Variants in TMEM223 observed in about 807,000 individuals in gnomAD.
TMEM223 encodes the protein transmembrane protein 223.
TMEM223 carries 14 observed loss-of-function variants against 14.1 expected under a neutral mutation model. The ratio of observed to expected loss-of-function variants is 0.99; its 90% CI spans 0.66 to 1.55. The LOEUF (loss-of-function observed/expected upper bound fraction) is 1.55, where lower values mean the gene tolerates loss of function less well. Among genes scored for constraint, TMEM223 ranks in the 40% most tolerant of loss-of-function variants. The pLI is 0.00. For missense variants in TMEM223, 346 were observed against 269.9 expected (o/e 1.28, Z -1.97); for synonymous variants, 145 against 120.5 (o/e 1.20, Z -1.33).
chr11:62,786,585 C>G (rs151093417), downstream of TMEM223: 6 of 1,574,414 alleles, frequency 3.8e-6, no homozygotes, highest in African/African-American at 4.1e-5. Flanking sequence ...GCCCAGGTGG[C>G]AGGGGGTGCC....
chr11:62,789,553 G>C, downstream of TMEM223: 1 of 1,556,844 alleles, frequency 6.4e-7, no homozygotes, highest in South Asian at 1.2e-5. Context: ...GGTGTGCCTC[G>C]GATATAAACT....
chr11:62,790,152 T>G lies in TMEM223; in HGVS notation c.*471A>C. ...GTTGGGAGTCTTAGTTTTCCTTTCG[T>G]TGGGGGGTGGGGGGGAAACATAATG... On this transcript the variant is annotated 3_prime_UTR_variant, in exon 2 of 2. Transcript: ENST00000307366. 4 of 1,253,728 alleles carry G rather than the reference T, an allele frequency of 3.2e-6. No homozygotes were observed. Among genetic ancestry groups the G allele is most frequent in the Middle Eastern group, 2.9e-4 (1 of 3,484 alleles). The allele number at this position is 1,253,728 out of a possible 1,614,324, so 77.7% of individuals were successfully genotyped here. A position where few individuals can be genotyped will look rare whatever the true frequency, so the allele number is the denominator to read the frequency against.
chr11:62,780,551 TAG>T (rs1295586485), intron 1 of TMEM223, among the ~76,000 whole-genome samples: 2 of 151,634 alleles, frequency 1.3e-5, no homozygotes, highest in African/African-American at 4.8e-5. Flanking sequence ...GCCTGGCTGA[TAG>T]AACGAAACTC....
At chr11:62,778,042 A>C (rs779449092) in intron 1 of TMEM223, 4 of 1,614,064 alleles carry the variant, frequency 2.5e-6, no homozygotes, top group Non-Finnish European at 3.4e-6. Context: ...GGTGAACTCT[A>C]CTTTCCTGAG....
At chr11:62,774,585 G>A (rs546703572) in intron 2 of TMEM223, 4 of 454,734 alleles carry the variant, frequency 8.8e-6, no homozygotes, top group East Asian at 7.0e-5. Context: ...TTTGGCGCAC[G>A]GGAGCCTACC....
downstream of TMEM223, chr11:62,789,795 TA>T: frequency 6.5e-7 from 1 of 1,539,314 alleles, no homozygotes; most frequent in Non-Finnish European, 8.8e-7. Context: ...GTTGTCAGCT[TA>T]AAATTCAGCA....
intron 1 of TMEM223, among the ~76,000 whole-genome samples, chr11:62,779,778 ACCT>A (rs1439790995): frequency 2.0e-5 from 3 of 150,172 alleles, no homozygotes; most frequent in African/African-American, 7.3e-5. Context: ...CAATTCTCCC[ACCT>A]CAGCTTCCCA....
rs867662067 is a variant in TMEM223, at chr11:62,791,839, G to A, written c.156C>T (p.Cys52=). The A allele has an allele frequency of 3.1e-6, 5 of 1,590,686 alleles. No individual in the cohort carries two copies. In the South Asian group the frequency reaches 4.6e-5, roughly 15 times the overall value. The stretch of plus-strand genomic sequence containing the variant: ...AAGCCCAGAAGACGCCCTGGCCCGC[G>A]CAGAACAGCCCGAGGATGGTGAAGA... ...GRFFTILGLF[C]AGQGVFWASM... The change falls in exon 1 of 2, where the codon TGC becomes TGT. Residue 52 remains cysteine, a synonymous_variant. Transcript: ENST00000307366.
chr11:62,771,169 A>T (rs1335108724), downstream of TMEM223: 1 of 152,240 alleles, frequency 6.6e-6, no homozygotes. Context: ...GGTAAAAAAA[A>T]TAAAATATGC....
downstream of TMEM223, chr11:62,786,481 G>T: frequency 6.3e-7 from 1 of 1,578,756 alleles, no homozygotes; most frequent in South Asian, 1.1e-5. Context: ...CAGGTTCCTC[G>T]AATTTTTTGC....
rs201070100 is a variant in TMEM223 at position 62,790,102 on chromosome 11, TC to T, written c.*520del. ...AGACTCCATGCCCAAGTGCCTGTAA[TC>T]CCCCCCCTCAAGGCCCTGTTTATGT... On this transcript the variant is annotated 3_prime_UTR_variant, in exon 2 of 2. Transcript: ENST00000307366. 9.5e-3 allele frequency: 12,343 copies of T among 1,306,118 alleles called. 86 individuals are homozygous for T. The highest frequency in any genetic ancestry group is 0.034 in the African/African-American group (2,064 of 61,508). The allele number at this position is 1,306,118 out of a possible 1,614,324, so 80.9% of individuals were successfully genotyped here.
chr11:62,773,998 T>C (rs1451665976), intron 2 of TMEM223, among the ~76,000 whole-genome samples: 2 of 151,794 alleles, frequency 1.3e-5, no homozygotes, highest in Non-Finnish European at 2.9e-5. Flanking sequence ...CACAAGAAAG[T>C]AGGAGATAAG....
Position 62,790,593 on chromosome 11 carries a change from T to TG in TMEM223, c.*29dup. The TG allele has an allele frequency of 3.8e-6, 6 of 1,581,838 alleles. No individual in the cohort carries two copies. Among genetic ancestry groups the TG allele is most frequent in the Non-Finnish European group, 5.2e-6 (6 of 1,160,054 alleles). On this transcript the variant is annotated 3_prime_UTR_variant, in exon 2 of 2. Coordinates refer to ENST00000307366, the MANE Select transcript of TMEM223 (RefSeq NM_001080501.3). ...CAAGGTTCAGTTTTTATCCTCCTCT[T>TG]GGAGAGGTGAGTGACTTGAGGTCAT...
downstream of TMEM223, chr11:62,789,353 G>C (rs1215611637): frequency 6.2e-7 from 1 of 1,613,856 alleles, no homozygotes; most frequent in South Asian, 1.1e-5. Context: ...CCTGGTCTTG[G>C]TGTCTGCCTG....
chr11:62,790,926 G>A lies in TMEM223; in HGVS notation c.317-11C>T. 6.4e-7 allele frequency: 1 copy of A among 1,551,146 alleles called. No individual in the cohort carries two copies. The highest frequency in any genetic ancestry group is 1.4e-5 in the African/African-American group (1 of 73,460). ...CGAGTACGAGGGCTCCTGCAGGCAG[G>A]GCAGAGATTGGGGTGAGGGGTTTTC... On this transcript the variant is annotated splice_polypyrimidine_tract_variant and intron_variant, in intron 1 of 1. Transcript: ENST00000307366.
downstream of TMEM223, chr11:62,787,364 T>G (rs979433923): frequency 1.3e-6 from 2 of 1,537,752 alleles, no homozygotes; most frequent in South Asian, 2.4e-5. Context: ...CCTTCGTGGG[T>G]CGCGCCGGAT....
At chr11:62,787,097 C>T, downstream of TMEM223, 1 of 1,542,872 alleles carries the variant, frequency 6.5e-7, no homozygotes, top group South Asian at 1.2e-5. Flanking sequence ...CCGCGCGGCG[C>T]CCCGCACTTT....
At chr11:62,774,604 C>A in exon 2 of TMEM223, 1 of 455,016 alleles carries the variant, frequency 2.2e-6, no homozygotes, top group Middle Eastern at 4.8e-4. Context: ...CCTTCTGGTG[C>A]TGTGCGTTGT....
intron 1 of TMEM223, 145 bp downstream of exon 1, chr11:62,791,534 C>T (rs2084360823): frequency 9.1e-7 from 1 of 1,099,072 alleles, no homozygotes; most frequent in Non-Finnish European, 1.3e-6. Context: ...TGAGCCGCCG[C>T]GCCCGGCCAG....
Sources: gnomAD v4.1 joint callset for allele counts (sites outside exome capture counted in the v4.1 genomes callset) on GRCh38, gnomAD v4.1.1 for gene constraint, MANE v1.5 for transcripts, NCBI Gene and HGNC (gene_info 2026-07-23, HGNC 2026-07-21) for gene names.